RPAP2: variants seen among roughly 807,000 people sequenced by gnomAD.
The protein encoded by RPAP2 is RNA polymerase II associated protein 2, also known as putative RNA polymerase II subunit B1 CTD phosphatase RPAP2.
RPAP2 carries 52 observed loss-of-function variants against 73.1 expected under a neutral mutation model. The ratio of observed to expected loss-of-function variants is 0.71; its 90% CI spans 0.57 to 0.90. The LOEUF is 0.90. Ranked by LOEUF, RPAP2 falls within the 40% of genes least tolerant of loss-of-function variation. RPAP2 has a pLI of 0.00. For missense variants in RPAP2, 598 were observed against 701.8 expected (o/e 0.85, Z 1.67); for synonymous variants, 225 against 242.1 (o/e 0.93, Z 0.65).
rs753480880 is a variant in RPAP2 at position 92,333,381 on chromosome 1, T to C, written c.1456-10T>C. The C allele has an allele frequency of 6.8e-6, 11 of 1,606,084 alleles. No homozygotes were observed. The highest frequency in any genetic ancestry group is 1.7e-5 in the Admixed American group (1 of 59,968). On this transcript the variant is annotated splice_polypyrimidine_tract_variant and intron_variant, in intron 8 of 12. Coordinates refer to ENST00000610020, the MANE Select transcript of RPAP2 (RefSeq NM_024813.3). Reference sequence around the variant, plus strand: ...GATTCTGTTTTGCTTTGTTTAAAAATGTGATTCAGCATGATTCCACCTTTC... The same window carrying C: ...GATTCTGTTTTGCTTTGTTTAAAAACGTGATTCAGCATGATTCCACCTTTC...
chr1:92,323,212 T>G (rs2046621), intron 7 of RPAP2, among the ~76,000 whole-genome samples: 130,082 of 150,606 alleles, frequency 0.86, 56,611 homozygotes, highest in East Asian at 1. Context: ...GAAGGAAGAA[T>G]ACAGAAGGAG....
chr1:92,311,033 A>G (rs1385592004), intron 6 of RPAP2, among the ~76,000 whole-genome samples: 2 of 152,204 alleles, frequency 1.3e-5, no homozygotes, highest in Non-Finnish European at 2.9e-5. Flanking sequence ...GTGAAACAAT[A>G]TTATTCTTAC....
At chr1:92,376,500 G>T (rs951060492) in intron 11 of RPAP2, among the ~76,000 whole-genome samples, 7 of 152,152 alleles carry the variant, frequency 4.6e-5, no homozygotes, top group African/African-American at 1.7e-4. Flanking sequence ...AGGAAATCCT[G>T]TCTCCAGATG....
chr1:92,323,988 G>A lies in RPAP2; in HGVS notation c.1068G>A (p.Gln356=), dbSNP rs767685532. ...QVSRSVSSSV[Q]VCPEVGKRNL... ...CTAGGTCAGTGTCTAGTTCAGTGCA[G>A]GTGTGTCCTGAAGTTGGAAAGAGAA... is the stretch of plus-strand genomic sequence containing the variant. The change falls in exon 8 of 13, where the codon CAG becomes CAA. Residue 356 remains glutamine, a synonymous_variant. Coordinates refer to ENST00000610020, the MANE Select transcript of RPAP2 (RefSeq NM_024813.3). 11 of 1,614,112 alleles carry A rather than the reference G, an allele frequency of 6.8e-6. No homozygotes were observed. In the East Asian group the frequency reaches 2.0e-4, roughly 29 times the overall value.
At chr1:92,365,394 T>TAA (rs35190534) in intron 11 of RPAP2, among the ~76,000 whole-genome samples, 3 of 151,878 alleles carry the variant, frequency 2.0e-5, no homozygotes, top group Non-Finnish European at 2.9e-5. Context: ...GGGGAGGTTT[T>TAA]AAAAAAATAC....
At chr1:92,354,599 A>G (rs1401253196) in intron 11 of RPAP2, among the ~76,000 whole-genome samples, 1 of 152,210 alleles carries the variant, frequency 6.6e-6, no homozygotes, top group Non-Finnish European at 1.5e-5. Context: ...TAAAGCATTA[A>G]ATGCAAACAT....
chr1:92,335,514 A>G (rs1229283904), intron 9 of RPAP2, among the ~76,000 whole-genome samples: 2 of 152,182 alleles, frequency 1.3e-5, no homozygotes, highest in Admixed American at 1.3e-4. Context: ...TTTGATGTAT[A>G]TCCCTGACAT....
Position 92,304,004 on chromosome 1 carries a change from A to G in RPAP2, c.262A>G (p.Ser88Gly), listed in dbSNP as rs574533018. The change falls in exon 4 of 13, where the codon AGT (serine) becomes GGT (glycine). Residue 88 changes from serine (S) to glycine (G), a missense_variant. Around this residue, in one of 3 missense-constraint regions of RPAP2, gnomAD observed 506 missense variants for 612.8 expected, o/e 0.83. Coordinates refer to ENST00000610020, the MANE Select transcript of RPAP2 (RefSeq NM_024813.3). ...CGRFITPAHY[S>G]DVVDERSIVK... ...GAGGTTCATTACACCTGCTCACTAC[A>G]GTGATGTCGTGGATGAACGTTCTAT... The G allele has an allele frequency of 1.2e-6, 2 of 1,612,600 alleles. No homozygotes were observed. Among genetic ancestry groups the G allele is most frequent in the African/African-American group, 1.3e-5 (1 of 74,984 alleles).
chr1:92,347,790 T>C (rs879130911), intron 11 of RPAP2, among the ~76,000 whole-genome samples: 2 of 152,180 alleles, frequency 1.3e-5, no homozygotes, highest in Admixed American at 1.3e-4. Flanking sequence ...TTGGATATAA[T>C]GTAGGGAACC....
intron 6 of RPAP2, among the ~76,000 whole-genome samples, chr1:92,309,625 A>G (rs192092220): frequency 2.6e-5 from 4 of 151,324 alleles, no homozygotes; most frequent in Admixed American, 2.6e-4. Flanking sequence ...ACACATACAC[A>G]TATACAAGTA....
In RPAP2 at chr1:92,354,886, T is replaced by A. The variant is rs576672446; in HGVS notation, c.1688+8972T>A. Among the ~76,000 whole-genome samples the A allele has an allele frequency of 2.4e-4, 36 of 148,546 alleles. No individual in the cohort carries two copies. The East Asian group carries it at 3.9e-3, about 16-fold the overall frequency. ...ATTAAATAAATGCAATTTTAATTTA[T>A]GTAAATTATTATTATTATTATTATT... On this transcript the variant is annotated intron_variant, in intron 11 of 12. Transcript: ENST00000610020.
intron 11 of RPAP2, among the ~76,000 whole-genome samples, chr1:92,375,762 C>T (rs187198685): frequency 7.4e-4 from 113 of 152,160 alleles, no homozygotes; most frequent in African/African-American, 2.4e-3. Flanking sequence ...ACCCAAGAGG[C>T]GGAGGTTGCA....
In RPAP2 at chr1:92,401,193, C is replaced by T. The variant is rs1212223195; in HGVS notation, c.*14182C>T. On this transcript the variant is annotated 3_prime_UTR_variant, in exon 13 of 13. Transcript: ENST00000610020. ...TGAGATTTGGGTGAGGACACAGAGC[C>T]GGACCATATCAGAGAGAAAGCTATT... 2 of 152,130 alleles carry T rather than the reference C, an allele frequency of 1.3e-5. No individual in the cohort carries two copies. The highest frequency in any genetic ancestry group is 4.8e-5 in the African/African-American group (2 of 41,426). 9.4% of individuals were successfully genotyped at this position (152,130 alleles called of 1,614,324 possible).
intron 11 of RPAP2, among the ~76,000 whole-genome samples, chr1:92,361,842 G>A (rs1229910711): frequency 1.5e-5 from 2 of 132,068 alleles, no homozygotes; most frequent in Admixed American, 7.6e-5. Context: ...TTCCATGGAC[G>A]TAACTGTTTT....
chr1:92,394,330 T>TG lies in RPAP2; in HGVS notation c.*7325dup, dbSNP rs1656129201. 6.7e-6 allele frequency: 1 copy of TG among 149,010 alleles called. No homozygotes were observed. The highest frequency in any genetic ancestry group is 2.5e-5 in the African/African-American group (1 of 40,238). 9.2% of individuals were successfully genotyped at this position (149,010 alleles called of 1,614,324 possible). On this transcript the variant is annotated 3_prime_UTR_variant, in exon 13 of 13. Transcript: ENST00000610020. ...ATCACACACCAGGGCCTGTGGGGGG[T>TG]GGGGGGCTAAGGGAGGGATAACATT...
intron 9 of RPAP2, among the ~76,000 whole-genome samples, chr1:92,334,078 T>G (rs1275387432): frequency 1.3e-5 from 2 of 152,354 alleles, no homozygotes; most frequent in East Asian, 3.9e-4. Context: ...ATGAGGGCTG[T>G]GTTGAACTTT....
intron 11 of RPAP2, among the ~76,000 whole-genome samples, chr1:92,358,928 A>G (rs1473674456): frequency 6.6e-6 from 1 of 152,130 alleles, no homozygotes; most frequent in Non-Finnish European, 1.5e-5. Flanking sequence ...AGAAAAAACA[A>G]ATAGACCTAT....
chr1:92,324,345 A>G lies in RPAP2; in HGVS notation c.1425A>G (p.Glu475=). ...EFYRGRYVLG[E]ETTKSQDSEE... is the part of the protein sequence containing the mutation. ...ACAGAGGACGGTATGTTTTGGGTGA[A>G]GAAACCACCAAATCACAAGACTCAG... Residue 475 remains glutamate (E), a synonymous_variant, in exon 8 of 13, where the codon GAA becomes GAG. Coordinates refer to ENST00000610020, the MANE Select transcript of RPAP2 (RefSeq NM_024813.3). 1 of 1,613,728 alleles carries G rather than the reference A, an allele frequency of 6.2e-7. No homozygotes were observed. The highest frequency in any genetic ancestry group is 8.5e-7 in the Non-Finnish European group (1 of 1,179,826).
At chr1:92,367,766 A>G (rs1012611494) in intron 11 of RPAP2, among the ~76,000 whole-genome samples, 1 of 152,224 alleles carries the variant, frequency 6.6e-6, no homozygotes, top group African/African-American at 2.4e-5. Context: ...TTTTATTCAC[A>G]TAGACATTCT....
Sources: allele counts gnomAD v4.1 joint callset (sites outside exome capture counted in the v4.1 genomes callset), GRCh38; gene constraint gnomAD v4.1.1; regional missense constraint gnomAD v4.1.1; transcripts MANE v1.5; gene names NCBI Gene and HGNC (gene_info 2026-07-23, HGNC 2026-07-21).